The following SETX variants were observed in gnomAD, a reference collection of about 807,000 sequenced individuals.
SETX encodes senataxin.
In SETX, 90 loss-of-function variants were observed where a neutral mutation model predicts 227.2. The observed-to-expected ratio is 0.40, with a 90% confidence interval of 0.33 to 0.47. SETX has a LOEUF of 0.47. Ranked by LOEUF, SETX falls within the 20% of genes least tolerant of loss-of-function variation. The pLI, the probability that SETX is intolerant of heterozygous loss-of-function variation, is 0.91. For missense variants in SETX, 3,052 were observed against 3,181.5 expected (o/e 0.96, Z 0.98); for synonymous variants, 1,210 against 1,113.2 (o/e 1.09, Z -1.73).
rs945773653 is a variant in SETX at position 132,325,085 on chromosome 9, A to C, written c.5274+1239T>G. Among the ~76,000 whole-genome samples, 5 of 152,332 alleles carry C rather than the reference A, an allele frequency of 3.3e-5. No homozygotes were observed. In the South Asian group the frequency reaches 6.2e-4, roughly 19 times the overall value. Reference sequence around the variant, plus strand: ...GAGTAAGAAACTGGCGGCCAGACGCAGTGGCTCACGCCTGTAATCCCAGCA... The same window carrying C: ...GAGTAAGAAACTGGCGGCCAGACGCCGTGGCTCACGCCTGTAATCCCAGCA... On this transcript the variant is annotated intron_variant, in intron 10 of 25. Transcript: ENST00000224140.
At position 132,331,269 on chromosome 9, in the gene SETX, G is replaced by A; in HGVS notation, c.1010+8C>T. 1 of 1,613,928 alleles carries A rather than the reference G, an allele frequency of 6.2e-7. No homozygotes were observed. The highest frequency in any genetic ancestry group is 8.5e-7 in the Non-Finnish European group (1 of 1,179,904). ...TGATGTTTAAATCCTGACATTAGCTGAACTAACCTTACAGAGCTGTTCCGT... is the reference window on the plus strand; with the variant it reads ...TGATGTTTAAATCCTGACATTAGCTAAACTAACCTTACAGAGCTGTTCCGT... On this transcript the variant is annotated splice_region_variant and intron_variant, in intron 8 of 25. Coordinates refer to ENST00000224140, the MANE Select transcript of SETX (RefSeq NM_015046.7).
intron 11 of SETX, among the ~76,000 whole-genome samples, chr9:132,304,652 G>T (rs1017412527): frequency 2.7e-5 from 4 of 148,812 alleles, no homozygotes; most frequent in East Asian, 2.0e-4. Flanking sequence ...AAAAAAGAAA[G>T]AAAGAAAAGA....
chr9:132,327,620 A>G lies in SETX; in HGVS notation c.3978T>C (p.Thr1326=). 6.2e-7 allele frequency: 1 copy of G among 1,614,028 alleles called. No individual in the cohort carries two copies. The highest frequency in any genetic ancestry group is 8.5e-7 in the Non-Finnish European group (1 of 1,179,992). Residue 1326 remains threonine (T), a synonymous_variant, in exon 10 of 26, where the codon ACT becomes ACC. Coordinates refer to ENST00000224140, the MANE Select transcript of SETX (RefSeq NM_015046.7). ...ACAGGTTCTGAGGAGAAATTAATTT[A>G]GTCTTTTTTCGGGTATCAACTACTC... ...TVGVVDTRKK[T]KLISPQNLSV... is the part of the protein sequence containing the mutation.
upstream of SETX, among the ~76,000 whole-genome samples, chr9:132,356,393 G>A (rs1276637104): frequency 6.6e-6 from 1 of 152,002 alleles, no homozygotes; most frequent in East Asian, 1.9e-4. Context: ...GTAGAGATGG[G>A]GTTTCACCAT....
chr9:132,278,346 T>C, intron 20 of SETX, 89 bp from the exon 21 acceptor site: 1 of 1,328,658 alleles, frequency 7.5e-7, no homozygotes, highest in Middle Eastern at 1.9e-4. Context: ...ATCTAATACG[T>C]ATATGGCAAC....
intron 6 of SETX, among the ~76,000 whole-genome samples, chr9:132,335,183 G>A (rs913816893): frequency 5.9e-5 from 9 of 152,000 alleles, no homozygotes; most frequent in Admixed American, 2.6e-4. Flanking sequence ...AAAGTCAGGA[G>A]ATCGAGACCA....
At chr9:132,308,298 T>C (rs1044430706) in intron 11 of SETX, among the ~76,000 whole-genome samples, 4 of 152,144 alleles carry the variant, frequency 2.6e-5, no homozygotes, top group African/African-American at 7.2e-5. Context: ...ATTGGATCAA[T>C]CCTCTAGTTC....
rs138167195 is a variant in SETX, at chr9:132,327,993, T to G, written c.3605A>C (p.Asp1202Ala). Residue 1202 changes from aspartate (D) to alanine (A), a missense_variant, in exon 10 of 26, where the codon GAT becomes GCT. Physicochemically the swap from Asp to Ala is moderately radical, Grantham distance 126 (BLOSUM62 -2). Coordinates refer to ENST00000224140, the MANE Select transcript of SETX (RefSeq NM_015046.7). ...TGAATTGGGAGTTGAAGTCCTTCTA[T>G]CAATACTTTTAAAATCATTTCCCAC... Reference protein sequence around the residue: ...DLVGNDFKSIDRRTSTPNSRI... With the variant: ...DLVGNDFKSIARRTSTPNSRI... The G allele has an allele frequency of 6.2e-7, 1 of 1,613,748 alleles. No individual in the cohort carries two copies. Among genetic ancestry groups the G allele is most frequent in the African/African-American group, 1.3e-5 (1 of 74,900 alleles).
chr9:132,336,910 A>C (rs752982735), intron 5 of SETX, among the ~76,000 whole-genome samples: 41 of 152,022 alleles, frequency 2.7e-4, no homozygotes, highest in Non-Finnish European at 3.1e-4. Context: ...CTAAAAATAC[A>C]AAAAAATTAG....
chr9:132,314,427 G>A (rs1324102596), intron 10 of SETX, among the ~76,000 whole-genome samples: 3 of 151,818 alleles, frequency 2.0e-5, no homozygotes, highest in African/African-American at 7.3e-5. Context: ...GTTTCACCAT[G>A]CTGGCCAGCT....
chr9:132,294,951 T>C (rs1844584978), intron 15 of SETX, among the ~76,000 whole-genome samples: 1 of 152,236 alleles, frequency 6.6e-6, no homozygotes, highest in Admixed American at 6.5e-5. Flanking sequence ...CCACTGTATT[T>C]GGAGTCTGCT....
Position 132,327,041 on chromosome 9 carries a change from G to T in SETX, c.4557C>A (p.Leu1519=), listed in dbSNP as rs1281571155. The T allele has an allele frequency of 6.2e-7, 1 of 1,614,140 alleles. No individual in the cohort carries two copies. Among genetic ancestry groups the T allele is most frequent in the Non-Finnish European group, 8.5e-7 (1 of 1,180,028 alleles). ...CSQMENDNYK[L]IELIHGKDTV... ...TATCTTTTCCATGAATTAGTTCAAT[G>T]AGTTTATAATTGTCATTCTCCATTT... Residue 1519 remains leucine, a synonymous_variant, in exon 10 of 26, where the codon CTC becomes CTA. Transcript: ENST00000224140.
At position 132,265,130 on chromosome 9, in the gene SETX, T is replaced by A. The variant is rs912022935; in HGVS notation, c.7288-145A>T. On this transcript the variant is annotated intron_variant, in intron 25 of 25. Coordinates refer to ENST00000224140, the MANE Select transcript of SETX (RefSeq NM_015046.7). ...AGATTCATTACTCGTCAGACAAGGA[T>A]GAAAGGAAAAAATAAATTCAAATAA... 8.9e-6 allele frequency: 9 copies of A among 1,011,072 alleles called. No individual in the cohort carries two copies. In the Admixed American group the frequency reaches 2.1e-4, roughly 23 times the overall value. The allele number at this position is 1,011,072 out of a possible 1,614,324, so 62.6% of individuals were successfully genotyped here.
intron 24 of SETX, among the ~76,000 whole-genome samples, chr9:132,270,823 A>G (rs1842868331): frequency 6.6e-6 from 1 of 152,246 alleles, no homozygotes; most frequent in African/African-American, 2.4e-5. Flanking sequence ...GAGCTCAGAA[A>G]TAGAATTGAT....
Position 132,289,256 on chromosome 9 carries a change from C to T in SETX, c.6107-605G>A, listed in dbSNP as rs189572444. 4.9e-4 allele frequency among the ~76,000 whole-genome samples: 75 copies of T among 152,290 alleles called. 2 individuals carry two copies. In the East Asian group the frequency reaches 0.011, roughly 22 times the overall value. On this transcript the variant is annotated intron_variant, in intron 15 of 25. Transcript: ENST00000224140. ...CCAGATATGCCAGCTCCTAGTTAGG[C>T]CCACTCCCCACAGCTGCTCTCTGAT... is the stretch of plus-strand genomic sequence containing the variant.
intron 22 of SETX, 149 bp from the exon 23 acceptor site, chr9:132,275,569 G>A (rs906056414): frequency 3.0e-6 from 2 of 658,078 alleles, no homozygotes; most frequent in Non-Finnish European, 5.2e-6. Flanking sequence ...GACTCCAAGA[G>A]GCTGTTACAA....
At chr9:132,317,092 A>C (rs553161880) in intron 10 of SETX, among the ~76,000 whole-genome samples, 1 of 152,366 alleles carries the variant, frequency 6.6e-6, no homozygotes, top group Admixed American at 6.5e-5. Context: ...TTTGAACAAG[A>C]CTAAACATCT....
chr9:132,301,257 T>C (rs1844980509), intron 11 of SETX, among the ~76,000 whole-genome samples: 1 of 151,904 alleles, frequency 6.6e-6, no homozygotes, highest in Non-Finnish European at 1.5e-5. Flanking sequence ...CGGCTAATTT[T>C]TTTGTATTTT....
At chr9:132,272,744 ATG>A (rs1378715946) in intron 23 of SETX, among the ~76,000 whole-genome samples, 1 of 152,224 alleles carries the variant, frequency 6.6e-6, no homozygotes, top group Non-Finnish European at 1.5e-5. Flanking sequence ...GAATTACAAA[ATG>A]TGATTATTTG....
Sources: allele counts gnomAD v4.1 joint callset (sites outside exome capture counted in the v4.1 genomes callset), GRCh38; gene constraint gnomAD v4.1.1; transcripts MANE v1.5; gene names NCBI Gene and HGNC (gene_info 2026-07-23, HGNC 2026-07-21).